Variants in PAQR5 observed in about 807,000 individuals in gnomAD.
PAQR5 encodes progestin and adipoQ receptor family member 5.
Under a neutral mutation model 34.5 loss-of-function variants are expected in PAQR5, and 20 were observed. The observed-to-expected ratio is 0.58, with a 90% CI of 0.41 to 0.84. The LOEUF (loss-of-function observed/expected upper bound fraction) is 0.84, where lower values mean the gene tolerates loss of function less well. Among genes scored for constraint, PAQR5 ranks in the 40% least tolerant of loss-of-function variants. The pLI, the probability that PAQR5 is intolerant of heterozygous loss-of-function variation, is 0.00. For synonymous variants in PAQR5, 131 were observed against 155.6 expected (o/e 0.84, Z 1.18); for missense variants, 378 against 412.7 (o/e 0.92, Z 0.73).
chr15:69,397,935 T>C (rs541229679), intron 7 of PAQR5: 39 of 232,480 alleles, frequency 1.7e-4, no homozygotes, highest in Admixed American at 6.1e-4. Context: ...TGACTGACAA[T>C]ATGACTGGGG....
At chr15:69,340,913 TG>T (rs1172129643) in intron 2 of PAQR5, among the ~76,000 whole-genome samples, 1 of 152,180 alleles carries the variant, frequency 6.6e-6, no homozygotes, top group Non-Finnish European at 1.5e-5. Flanking sequence ...CTGGAAGATT[TG>T]GAGAAAATAA....
intron 1 of PAQR5, among the ~76,000 whole-genome samples, chr15:69,313,896 G>A (rs1485429025): frequency 6.6e-6 from 1 of 152,170 alleles, no homozygotes; most frequent in African/African-American, 2.4e-5. Context: ...GGAGTCCTGG[G>A]GGGGCTGCAA....
chr15:69,345,465 G>T (rs943810893), intron 2 of PAQR5, among the ~76,000 whole-genome samples: 6 of 152,254 alleles, frequency 3.9e-5, no homozygotes, highest in African/African-American at 1.4e-4. Flanking sequence ...TGTGTTGGGG[G>T]ATCTTTATGG....
At chr15:69,335,312 C>A (rs1401651037) in intron 1 of PAQR5, among the ~76,000 whole-genome samples, 1 of 133,252 alleles carries the variant, frequency 7.5e-6, no homozygotes, top group African/African-American at 2.8e-5. Flanking sequence ...ATGGCATGAT[C>A]TCGGCTCACC....
chr15:69,338,788 G>A lies in PAQR5; in HGVS notation c.-116+1287G>A, dbSNP rs568878786. Among the ~76,000 whole-genome samples the A allele has an allele frequency of 3.3e-5, 5 of 152,192 alleles. No homozygotes were observed. In the South Asian group the frequency reaches 1.0e-3, roughly 32 times the overall value. Reference sequence around the variant, plus strand: ...CTCCAAGCTGTCTTTTTCATTTCTGGGCATAGGCTGATCTAACTCTGGGAG... The same window carrying A: ...CTCCAAGCTGTCTTTTTCATTTCTGAGCATAGGCTGATCTAACTCTGGGAG... On this transcript the variant is annotated intron_variant, in intron 2 of 8. Transcript: ENST00000395407.
At chr15:69,378,456 A>AG (rs1250907603) in intron 3 of PAQR5, among the ~76,000 whole-genome samples, 1 of 147,366 alleles carries the variant, frequency 6.8e-6, no homozygotes, top group African/African-American at 2.6e-5. Flanking sequence ...AAAAAAAAAA[A>AG]AAAGAGAGAG....
In PAQR5 at chr15:69,373,337, G is replaced by A. The variant is rs1202640425; in HGVS notation, c.52-6546G>A. Among the ~76,000 whole-genome samples the A allele has an allele frequency of 2.0e-5, 3 of 152,170 alleles. No homozygotes were observed. The East Asian group carries it at 5.8e-4, about 29-fold the overall frequency. On this transcript the variant is annotated intron_variant, in intron 3 of 8. Transcript: ENST00000395407. ...ATTAGGATGTGAACATTTTTGGGGA[G>A]CCATTATTCTGTCTACTGTAGAGTT...
At chr15:69,353,590 G>C (rs563388042) in intron 2 of PAQR5, among the ~76,000 whole-genome samples, 1 of 152,272 alleles carries the variant, frequency 6.6e-6, no homozygotes, top group East Asian at 1.9e-4. Flanking sequence ...ACCTTGCAGG[G>C]CTGGGGCAAG....
At chr15:69,355,288 TTTTCTTTC>T (rs202025030) in intron 2 of PAQR5, among the ~76,000 whole-genome samples, 39 of 135,820 alleles carry the variant, frequency 2.9e-4, no homozygotes, top group African/African-American at 9.3e-4. Context: ...TCTTTCTTTC[TTTTCTTTC>T]TTTCTTTCTT....
In PAQR5 at chr15:69,406,323, A is replaced by T. The variant is rs148250691; in HGVS notation, c.*2501A>T. On this transcript the variant is annotated 3_prime_UTR_variant, in exon 9 of 9. Transcript: ENST00000395407. ...CAACTGTGATAAAACTTGAATGTGT[A>T]TGATGAATAAGGCCATTCAGTTAAC... is the stretch of plus-strand genomic sequence containing the variant. 8.5e-5 allele frequency: 13 copies of T among 152,372 alleles called. No homozygotes were observed. Among genetic ancestry groups the T allele is most frequent in the Admixed American group, 7.8e-4 (12 of 15,304 alleles). 9.4% of individuals were successfully genotyped at this position (152,372 alleles called of 1,614,324 possible).
intron 1 of PAQR5, among the ~76,000 whole-genome samples, chr15:69,321,697 C>T (rs1203646257): frequency 1.3e-5 from 2 of 152,212 alleles, no homozygotes; most frequent in Non-Finnish European, 2.9e-5. Flanking sequence ...TTTTCGTGAA[C>T]ACAGCGTGGC....
intron 1 of PAQR5, among the ~76,000 whole-genome samples, chr15:69,325,677 A>T (rs1325686942): frequency 6.6e-6 from 1 of 152,208 alleles, no homozygotes; most frequent in Non-Finnish European, 1.5e-5. Flanking sequence ...GCCCCAGGGC[A>T]GGTGCAAACT....
intron 1 of PAQR5, among the ~76,000 whole-genome samples, chr15:69,335,632 C>T (rs2054499078): frequency 6.8e-6 from 1 of 146,090 alleles, no homozygotes; most frequent in Non-Finnish European, 1.5e-5. Context: ...TCACTGCAAC[C>T]TCTGCCTCCC....
intron 2 of PAQR5, among the ~76,000 whole-genome samples, chr15:69,357,980 C>G (rs531941529): frequency 6.6e-6 from 1 of 152,004 alleles, no homozygotes; most frequent in Non-Finnish European, 1.5e-5. Context: ...ACTGTAGGTA[C>G]GATGTGGTTG....
rs1566986775 is a variant in PAQR5, at chr15:69,300,947, CCTTCTTTCTTTCT to C, written c.-277+1892_-277+1904del. On this transcript the variant is annotated intron_variant, in intron 1 of 8. Coordinates refer to ENST00000395407, the MANE Select transcript of PAQR5 (RefSeq NM_017705.4). ...TCTCTCTCTCTCTCTCTCTTTCTTT[CCTTCTTTCTTTCT>C]TTCTTTCTTTCTTTCTTTCTTTCTT... Among the ~76,000 whole-genome samples the C allele has an allele frequency of 4.6e-4, 21 of 45,672 alleles. 3 individuals are homozygous for C. The highest frequency in any genetic ancestry group is 4.3e-4 in the Non-Finnish European group (9 of 21,046). 30.0% of individuals were successfully genotyped at this position (45,672 alleles called of 152,430 possible). A position where few individuals can be genotyped will look rare whatever the true frequency, so the allele number is the denominator to read the frequency against.
chr15:69,380,315 G>A, intron 4 of PAQR5: 1 of 275,104 alleles, frequency 3.6e-6, no homozygotes, highest in Non-Finnish European at 6.9e-6. Context: ...CGGTCTTGGA[G>A]ACTTTCCAGG....
intron 6 of PAQR5, among the ~76,000 whole-genome samples, chr15:69,390,360 A>ATTTATTTTTTTT (rs1555423101): frequency 2.8e-4 from 38 of 135,882 alleles, no homozygotes; most frequent in South Asian, 1.9e-3. Context: ...TTATTTATTT[A>ATTTATTTTTTTT]TTTTTTTGAG....
At chr15:69,369,469 G>A (rs75561031) in intron 3 of PAQR5, among the ~76,000 whole-genome samples, 3,150 of 152,152 alleles carry the variant, frequency 0.021, 111 homozygotes, top group African/African-American at 0.072. Flanking sequence ...TCAGGAGGCA[G>A]AGGTTGCAGT....
At chr15:69,367,480 A>G (rs1017620805) in intron 3 of PAQR5, among the ~76,000 whole-genome samples, 1 of 152,194 alleles carries the variant, frequency 6.6e-6, no homozygotes, top group African/African-American at 2.4e-5. Flanking sequence ...ATCACACTAC[A>G]TAGCTAAGTG....
Sources: gnomAD v4.1 joint callset for allele counts (sites outside exome capture counted in the v4.1 genomes callset) on GRCh38, gnomAD v4.1.1 for gene constraint, MANE v1.5 for transcripts, NCBI Gene and HGNC (gene_info 2026-07-23, HGNC 2026-07-21) for gene names.